The following SPIDR variants were observed in gnomAD, a reference collection of about 807,000 sequenced individuals.
SPIDR encodes the protein scaffold protein involved in DNA repair.
In SPIDR, 93 loss-of-function variants were observed where a neutral mutation model predicts 104.6. The ratio of observed to expected loss-of-function variants is 0.89; its 90% CI spans 0.75 to 1.06. The LOEUF is 1.06. Ranked by LOEUF, SPIDR falls within the 50% of genes least tolerant of loss-of-function variation. The pLI is 0.00. For synonymous variants in SPIDR, 431 were observed against 416.9 expected, an observed-to-expected ratio of 1.03 and a Z score of -0.41; for missense variants, 1,154 against 1,111.2, an observed-to-expected ratio of 1.04 and a Z score of -0.55.
chr8:47,545,826 A>G, intron 8 of SPIDR, among the ~76,000 whole-genome samples: 1 of 152,082 alleles, frequency 6.6e-6, no homozygotes, highest in Non-Finnish European at 1.5e-5. Context: ...GTTTTCTGAG[A>G]AGTTTTAACA....
chr8:47,713,698 T>C, intron 16 of SPIDR, 57 bp downstream of exon 16: 4 of 1,594,020 alleles, frequency 2.5e-6, no homozygotes, highest in Non-Finnish European at 3.4e-6. Context: ...TTATACTTTA[T>C]ATTCATTTAC....
chr8:47,474,920 T>C (rs1554722920), intron 8 of SPIDR, among the ~76,000 whole-genome samples: 1 of 152,244 alleles, frequency 6.6e-6, no homozygotes, highest in Non-Finnish European at 1.5e-5. Context: ...ATTCTTTGGC[T>C]TTTAGGTCAG....
intron 8 of SPIDR, among the ~76,000 whole-genome samples, chr8:47,476,007 G>A (rs541104342): frequency 6.6e-6 from 1 of 152,274 alleles, no homozygotes. Context: ...CCTCTTTGAG[G>A]TTTTTCTTAC....
chr8:47,398,973 G>A (rs542938753), intron 6 of SPIDR, among the ~76,000 whole-genome samples: 6 of 152,326 alleles, frequency 3.9e-5, no homozygotes, highest in African/African-American at 1.4e-4. Context: ...CCGTCTCAGC[G>A]GCGTGACCAG....
rs559136576 is a variant in SPIDR, at chr8:47,368,496, G to A, written c.526-27880G>A. ...TTAAAAAGCAGATCCTTGGATCCTG[G>A]TGTCATCTTGCCAGCCATCTTGGTA... On this transcript the variant is annotated intron_variant, in intron 5 of 19. Coordinates refer to ENST00000297423, the MANE Select transcript of SPIDR (RefSeq NM_001080394.4). 2.0e-5 allele frequency among the ~76,000 whole-genome samples: 3 copies of A among 151,980 alleles called. No individual in the cohort carries two copies. In the South Asian group the frequency reaches 6.2e-4, roughly 32 times the overall value.
chr8:47,476,942 A>G (rs1554724138), intron 8 of SPIDR, among the ~76,000 whole-genome samples: 1 of 152,234 alleles, frequency 6.6e-6, no homozygotes, highest in East Asian at 1.9e-4. Context: ...GAAATAAAAT[A>G]ATACAGGAGA....
At chr8:47,477,450 C>A (rs1456044042) in intron 8 of SPIDR, among the ~76,000 whole-genome samples, 1 of 152,174 alleles carries the variant, frequency 6.6e-6, no homozygotes, top group Non-Finnish European at 1.5e-5. Context: ...CCTGCCTTGG[C>A]CTCCCAAAGT....
intron 7 of SPIDR, among the ~76,000 whole-genome samples, chr8:47,423,261 C>T (rs2065868982): frequency 1.3e-5 from 2 of 149,754 alleles, no homozygotes; most frequent in South Asian, 4.2e-4. Flanking sequence ...TACGCCACCA[C>T]ACTCCAGACT....
chr8:47,380,430 C>T (rs537831094), intron 5 of SPIDR, among the ~76,000 whole-genome samples: 3 of 152,212 alleles, frequency 2.0e-5, no homozygotes, highest in Middle Eastern at 3.4e-3. Flanking sequence ...TGTTGCTGGG[C>T]GGGGCCTGCT....
At chr8:47,696,470 T>C (rs527912770) in intron 11 of SPIDR, among the ~76,000 whole-genome samples, 1 of 152,328 alleles carries the variant, frequency 6.6e-6, no homozygotes, top group Non-Finnish European at 1.5e-5. Context: ...TTTGGAAATG[T>C]TTTTAAAATT....
intron 8 of SPIDR, among the ~76,000 whole-genome samples, chr8:47,558,081 G>A (rs956811061): frequency 8.5e-5 from 13 of 152,140 alleles, no homozygotes; most frequent in African/African-American, 3.1e-4. Context: ...TTAATCACTT[G>A]TTAGTAGAAG....
At chr8:47,563,209 G>A (rs528961212) in intron 8 of SPIDR, among the ~76,000 whole-genome samples, 13 of 151,984 alleles carry the variant, frequency 8.6e-5, no homozygotes, top group South Asian at 6.2e-4. Context: ...ACACCCTGTC[G>A]CCTAGGCTGA....
At chr8:47,333,822 T>G (rs1554606413) in intron 5 of SPIDR, among the ~76,000 whole-genome samples, 1 of 152,202 alleles carries the variant, frequency 6.6e-6, no homozygotes, top group East Asian at 1.9e-4. Flanking sequence ...AATAGGAATT[T>G]CAGCTCCATT....
At chr8:47,459,977 TA>T (rs1554712435) in intron 8 of SPIDR, among the ~76,000 whole-genome samples, 1 of 152,230 alleles carries the variant, frequency 6.6e-6, no homozygotes, top group East Asian at 1.9e-4. Flanking sequence ...TTTCCATTTT[TA>T]TTCCACTGTG....
At chr8:47,369,157 C>A (rs1399843609) in intron 5 of SPIDR, among the ~76,000 whole-genome samples, 4 of 152,140 alleles carry the variant, frequency 2.6e-5, no homozygotes, top group African/African-American at 9.7e-5. Context: ...TCACATTGTG[C>A]AGGAACAGGT....
At chr8:47,444,197 A>T (rs1266348808) in intron 8 of SPIDR, among the ~76,000 whole-genome samples, 1 of 152,242 alleles carries the variant, frequency 6.6e-6, no homozygotes, top group Non-Finnish European at 1.5e-5. Flanking sequence ...CACCACTTGA[A>T]CACAGATATA....
chr8:47,735,125 T>G (rs146943084), intron 19 of SPIDR, among the ~76,000 whole-genome samples, 182 bp from the exon 20 acceptor site: 16 of 149,948 alleles, frequency 1.1e-4, no homozygotes, highest in African/African-American at 4.0e-4. Context: ...TGTGTGTGTG[T>G]GTGTGTGTGT....
At chr8:47,539,415 C>T (rs1440951983) in intron 8 of SPIDR, among the ~76,000 whole-genome samples, 1 of 152,072 alleles carries the variant, frequency 6.6e-6, no homozygotes, top group Non-Finnish European at 1.5e-5. Flanking sequence ...CACACAGGGC[C>T]CATCCTACCT....
At chr8:47,627,147 C>T (rs936085304) in intron 10 of SPIDR, among the ~76,000 whole-genome samples, 6 of 152,158 alleles carry the variant, frequency 3.9e-5, no homozygotes, top group Admixed American at 2.0e-4. Context: ...GACAAAAAAC[C>T]GAACACCGCA....
Sources: allele counts gnomAD v4.1 joint callset (sites outside exome capture counted in the v4.1 genomes callset), GRCh38; gene constraint gnomAD v4.1.1; transcripts MANE v1.5; gene names NCBI Gene and HGNC (gene_info 2026-07-23, HGNC 2026-07-21).